The following NCLN variants were observed in gnomAD, a reference collection of about 807,000 sequenced individuals.
NCLN encodes nicalin.
NCLN carries 34 observed loss-of-function variants against 69.5 expected under a neutral mutation model. That is an observed-to-expected ratio of 0.49 (90% CI 0.37 to 0.65). NCLN has a LOEUF of 0.65. NCLN is among the 30% of genes least tolerant of loss of function. The pLI is 0.00. For missense variants in NCLN, 710 were observed against 804.8 expected, an observed-to-expected ratio of 0.88 and a Z score of 1.42; for synonymous variants, 393 against 358.3, an observed-to-expected ratio of 1.10 and a Z score of -1.09.
chr19:3,187,901 G>T (rs572520211), intron 1 of NCLN, among the ~76,000 whole-genome samples: 2 of 152,076 alleles, frequency 1.3e-5, no homozygotes, highest in Non-Finnish European at 2.9e-5. Context: ...GGTCCTGACG[G>T]GCACCATCCT....
intron 12 of NCLN, among the ~76,000 whole-genome samples, chr19:3,206,629 A>G (rs1916280020): frequency 6.6e-6 from 1 of 152,174 alleles, no homozygotes; most frequent in African/African-American, 2.4e-5. Flanking sequence ...TGAGGTCAGG[A>G]GTTCAAGACC....
chr19:3,188,342 C>T (rs1482751470), intron 1 of NCLN, among the ~76,000 whole-genome samples: 3 of 152,162 alleles, frequency 2.0e-5, no homozygotes, highest in African/African-American at 4.8e-5. Context: ...TTTCTCTCCC[C>T]GCAAGTCCGC....
At chr19:3,191,908 G>A (rs1241905703) in intron 1 of NCLN, among the ~76,000 whole-genome samples, 3 of 152,186 alleles carry the variant, frequency 2.0e-5, no homozygotes, top group East Asian at 1.9e-4. Flanking sequence ...TTAGAAAGGG[G>A]CCGGGCACGG....
intron 6 of NCLN, among the ~76,000 whole-genome samples, chr19:3,202,751 GT>G (rs5826805): frequency 0.41 from 61,225 of 147,684 alleles, 12,395 homozygotes; most frequent in East Asian, 0.49. Flanking sequence ...GCCAAAACTT[GT>G]TTTTTTTTTT....
chr19:3,198,898 G>T lies in NCLN; in HGVS notation c.696+1G>T. 6.8e-7 allele frequency: 1 copy of T among 1,478,592 alleles called. No individual in the cohort carries two copies. The allele number at this position is 1,478,592 out of a possible 1,614,324, so 91.6% of individuals were successfully genotyped here. Reference sequence around the variant, plus strand: ...CTACGACGCCTTTGGAGTGGCCCCCGTACGTATGTGTGTCCCCATTCCCCC... The same window carrying T: ...CTACGACGCCTTTGGAGTGGCCCCCTTACGTATGTGTGTCCCCATTCCCCC... On this transcript the variant is annotated splice_donor_variant, in intron 5 of 14. Transcript: ENST00000246117. LOFTEE classifies it high-confidence loss of function.
chr19:3,186,763 T>C (rs1273408538), intron 1 of NCLN, among the ~76,000 whole-genome samples: 1 of 152,166 alleles, frequency 6.6e-6, no homozygotes, highest in East Asian at 1.9e-4. Flanking sequence ...CCTGCACTGA[T>C]TTCTGCCAGG....
chr19:3,203,164 C>G (rs1408604458), intron 6 of NCLN, among the ~76,000 whole-genome samples: 1 of 151,974 alleles, frequency 6.6e-6, no homozygotes, highest in Admixed American at 6.6e-5. Context: ...CAAAATTAGC[C>G]AGGTGTGGTG....
chr19:3,197,522 A>G (rs1599353884), intron 4 of NCLN, among the ~76,000 whole-genome samples: 3 of 151,612 alleles, frequency 2.0e-5, no homozygotes, highest in African/African-American at 7.3e-5. Context: ...GCTAACTGCA[A>G]CCTCCGCCTC....
At chr19:3,206,581 A>T (rs911499648) in intron 12 of NCLN, among the ~76,000 whole-genome samples, 156 bp downstream of exon 12, 1 of 152,214 alleles carries the variant, frequency 6.6e-6, no homozygotes, top group African/African-American at 2.4e-5. Flanking sequence ...TGTGCCTGCA[A>T]TCCCAGTACT....
rs772248783 is a variant in NCLN at position 3,204,077 on chromosome 19, A to G, written c.962A>G (p.His321Arg). 2.6e-6 allele frequency: 4 copies of G among 1,553,382 alleles called. No homozygotes were observed. Among genetic ancestry groups the G allele is most frequent in the Admixed American group, 2.0e-5 (1 of 49,942 alleles). Residue 321 changes from histidine (H) to arginine (R), a missense_variant, in exon 8 of 15, where the codon CAC (histidine) becomes CGC (arginine). Physicochemically the swap from His to Arg is conservative, Grantham distance 29. Transcript: ENST00000246117. ...ACCGTGGGCCGGGGCAGCAGCCTGC[A>G]CCTGCACGTGTCCAAGCCGCCTCGG... is the stretch of plus-strand genomic sequence containing the variant. The part of the protein sequence containing the change: ...LDTVGRGSSL[H>R]LHVSKPPREG...
At chr19:3,207,360 C>G in intron 13 of NCLN, 31 bp from the exon 14 acceptor site, 6 of 1,612,968 alleles carry the variant, frequency 3.7e-6, no homozygotes, top group Non-Finnish European at 5.1e-6. Flanking sequence ...GCGCACCATC[C>G]TCGACCTCAG....
chr19:3,187,206 G>T (rs924272291), intron 1 of NCLN, among the ~76,000 whole-genome samples: 3 of 151,780 alleles, frequency 2.0e-5, no homozygotes, highest in African/African-American at 7.3e-5. Flanking sequence ...CAACAGCCTC[G>T]CCCCCTCCCG....
intron 4 of NCLN, among the ~76,000 whole-genome samples, chr19:3,197,559 G>C (rs543884943): frequency 1.6e-3 from 242 of 150,920 alleles, no homozygotes; most frequent in African/African-American, 5.6e-3. Context: ...GTCTTGCCTC[G>C]GCCTCCCGAG....
In NCLN at chr19:3,205,184, C is replaced by T. The variant is rs1388607591; in HGVS notation, c.1208+433C>T. Among the ~76,000 whole-genome samples the T allele has an allele frequency of 6.6e-6, 1 of 152,242 alleles. No homozygotes were observed. Among genetic ancestry groups the T allele is most frequent in the African/African-American group, 2.4e-5 (1 of 41,458 alleles). On this transcript the variant is annotated intron_variant, in intron 9 of 14. Coordinates refer to ENST00000246117, the MANE Select transcript of NCLN (RefSeq NM_020170.4). The surrounding 1 kb of genome is among the most constrained non-coding windows in gnomAD (Gnocchi z 4.6). ...CTCTGGCTTCTTATGTCCTCTGACC[C>T]TGTGTCCTGCCCGTCTCTCTGCCAT...
At chr19:3,196,981 G>A (rs572868265) in intron 4 of NCLN, among the ~76,000 whole-genome samples, 1 of 152,248 alleles carries the variant, frequency 6.6e-6, no homozygotes, top group Non-Finnish European at 1.5e-5. Context: ...CTTGTTGGGG[G>A]GTGCCCGAGT....
At chr19:3,188,651 C>G (rs1915733265) in intron 1 of NCLN, among the ~76,000 whole-genome samples, 1 of 152,254 alleles carries the variant, frequency 6.6e-6, no homozygotes, top group Admixed American at 6.5e-5. Context: ...CCTGTACCCT[C>G]CTCCCTGGAC....
At chr19:3,197,267 G>A (rs922618967) in intron 4 of NCLN, among the ~76,000 whole-genome samples, 4 of 152,180 alleles carry the variant, frequency 2.6e-5, no homozygotes, top group Admixed American at 2.0e-4. Context: ...CCCTGGCTGT[G>A]CCCTTTCTCC....
rs771700142 is a variant in NCLN at position 3,186,208 on chromosome 19, C to T, written c.178C>T (p.Pro60Ser). Residue 60 changes from proline (P) to serine (S), a missense_variant, in exon 1 of 15, where the codon CCC (proline) becomes TCC (serine). Physicochemically the swap from Pro to Ser is moderately conservative, Grantham distance 74. Coordinates refer to ENST00000246117, the MANE Select transcript of NCLN (RefSeq NM_020170.4). Reference sequence around the variant, plus strand: ...GCAGCAGTACGACCTGCAGGGCCAGCCCTACGGTGCGTGTCCCCGGCCCAC... The same window carrying T: ...GCAGCAGTACGACCTGCAGGGCCAGTCCTACGGTGCGTGTCCCCGGCCCAC... ...RMQQYDLQGQ[P>S]YGTRNAVLNT... The T allele has an allele frequency of 1.3e-6, 2 of 1,537,346 alleles. No homozygotes were observed. Among genetic ancestry groups the T allele is most frequent in the Non-Finnish European group, 8.7e-7 (1 of 1,144,680 alleles).
intron 1 of NCLN, among the ~76,000 whole-genome samples, chr19:3,188,887 TGA>T (rs1300785423): frequency 1.6e-4 from 25 of 152,182 alleles, no homozygotes; most frequent in Non-Finnish European, 7.3e-5. Context: ...TGGCCGCCCC[TGA>T]GAGACTGGGG....
Sources: gnomAD v4.1 joint callset for allele counts (sites outside exome capture counted in the v4.1 genomes callset) on GRCh38, gnomAD v4.1.1 for gene constraint, Gnocchi (gnomAD v3.1) non-coding constraint, MANE v1.5 for transcripts, NCBI Gene and HGNC (gene_info 2026-07-23, HGNC 2026-07-21) for gene names.